The following PEPD variants were observed in gnomAD, a reference collection of about 807,000 sequenced individuals.
PEPD encodes xaa-Pro dipeptidase.
PEPD carries 53 observed loss-of-function variants against 60.7 expected under a neutral mutation model. That is an observed-to-expected ratio of 0.87 (90% CI 0.70 to 1.10). The LOEUF is 1.10. PEPD is among the 50% of genes least tolerant of loss of function. The pLI is 0.00. For missense variants in PEPD, 711 were observed against 711.9 expected (o/e 1.00, Z 0.01); for synonymous variants, 267 against 284.1 (o/e 0.94, Z 0.60).
chr19:33,485,008 T>C (rs947699919), intron 6 of PEPD, among the ~76,000 whole-genome samples: 1 of 152,170 alleles, frequency 6.6e-6, no homozygotes, highest in African/African-American at 2.4e-5. Flanking sequence ...TGTAATTTCC[T>C]GATGAGCTCT....
At chr19:33,490,466 A>G (rs1970477606) in intron 5 of PEPD, among the ~76,000 whole-genome samples, 1 of 152,162 alleles carries the variant, frequency 6.6e-6, no homozygotes, top group African/African-American at 2.4e-5. Context: ...ATAACATCCG[A>G]AAGAGTCCTG....
At chr19:33,408,614 C>A (rs1382791219) in intron 11 of PEPD, among the ~76,000 whole-genome samples, 2 of 152,216 alleles carry the variant, frequency 1.3e-5, no homozygotes, top group Non-Finnish European at 2.9e-5. Flanking sequence ...TGATTCCCCA[C>A]AAAATCCCAT....
At chr19:33,497,136 T>C (rs900932047) in intron 4 of PEPD, among the ~76,000 whole-genome samples, 1 of 152,274 alleles carries the variant, frequency 6.6e-6, no homozygotes, top group African/African-American at 2.4e-5. Flanking sequence ...ACAGTCTGGA[T>C]GTGTGGCTAC....
chr19:33,468,199 C>A (rs1239907045), intron 7 of PEPD, among the ~76,000 whole-genome samples: 1 of 152,166 alleles, frequency 6.6e-6, no homozygotes, highest in African/African-American at 2.4e-5. Context: ...TCCCGGTGCA[C>A]CCCCTGGCCA....
At chr19:33,456,750 A>G (rs972680415) in intron 9 of PEPD, among the ~76,000 whole-genome samples, 2 of 152,144 alleles carry the variant, frequency 1.3e-5, no homozygotes, top group Non-Finnish European at 2.9e-5. Flanking sequence ...GCCTGGACCC[A>G]GACTTGTTCC....
intron 6 of PEPD, among the ~76,000 whole-genome samples, chr19:33,485,693 GA>G (rs1970384580): frequency 6.6e-6 from 1 of 151,976 alleles, no homozygotes; most frequent in Non-Finnish European, 1.5e-5. Context: ...CCCAAATTCA[GA>G]ATTTCATCTT....
intron 9 of PEPD, among the ~76,000 whole-genome samples, chr19:33,458,829 G>A (rs112509551): frequency 1.4e-3 from 162 of 116,566 alleles, no homozygotes; most frequent in African/African-American, 5.1e-3. Context: ...TGTGGAGTGC[G>A]CAGGATGTGT....
rs1600125790 is a variant in PEPD at position 33,450,605 on chromosome 19, A to G, written c.671+12390T>C. 2.0e-5 allele frequency among the ~76,000 whole-genome samples: 3 copies of G among 152,362 alleles called. No homozygotes were observed. In the East Asian group the frequency reaches 5.8e-4, roughly 29 times the overall value. On this transcript the variant is annotated intron_variant, in intron 9 of 14. Coordinates refer to ENST00000244137, the MANE Select transcript of PEPD (RefSeq NM_000285.4). ...TTAAAGCACTCACACGAGCAAAGGG[A>G]AAACATGGTACAAAATTGAGGTCCA...
At chr19:33,453,184 C>T (rs1316444415) in intron 9 of PEPD, among the ~76,000 whole-genome samples, 3 of 152,086 alleles carry the variant, frequency 2.0e-5, no homozygotes, top group African/African-American at 7.2e-5. Flanking sequence ...CATGGTGGCA[C>T]GTGCTTCTAG....
intron 13 of PEPD, among the ~76,000 whole-genome samples, chr19:33,390,136 G>A (rs1165860377): frequency 3.3e-5 from 5 of 152,252 alleles, no homozygotes; most frequent in Non-Finnish European, 7.3e-5. Context: ...TATAGGAAAA[G>A]CCATATTTTT....
At chr19:33,492,347 G>C (rs938129432) in intron 5 of PEPD, among the ~76,000 whole-genome samples, 2 of 152,120 alleles carry the variant, frequency 1.3e-5, no homozygotes, top group Non-Finnish European at 2.9e-5. Flanking sequence ...CCTTTAACAG[G>C]GGAGACAGAG....
At chr19:33,517,378 G>A (rs1971041626) in intron 1 of PEPD, among the ~76,000 whole-genome samples, 2 of 151,346 alleles carry the variant, frequency 1.3e-5, no homozygotes, top group African/African-American at 4.9e-5. Context: ...GGCCAACATG[G>A]TGAGCCCCTG....
chr19:33,468,963 C>G (rs1294614151), intron 7 of PEPD, among the ~76,000 whole-genome samples: 1 of 152,188 alleles, frequency 6.6e-6, no homozygotes, highest in Non-Finnish European at 1.5e-5. Flanking sequence ...GCCAGCAGCT[C>G]AGGCTCCCGA....
chr19:33,466,944 T>C (rs934732571), intron 7 of PEPD, among the ~76,000 whole-genome samples: 16 of 151,726 alleles, frequency 1.1e-4, no homozygotes, highest in African/African-American at 3.6e-4. Flanking sequence ...GATCACGAGG[T>C]CAGGAGATCA....
chr19:33,402,784 G>C (rs547287662), intron 11 of PEPD, among the ~76,000 whole-genome samples: 1 of 152,202 alleles, frequency 6.6e-6, no homozygotes, highest in Non-Finnish European at 1.5e-5. Flanking sequence ...CAGGACGGGA[G>C]GGGCCTGGGG....
chr19:33,461,790 C>T (rs937943406), intron 9 of PEPD, among the ~76,000 whole-genome samples: 2 of 152,200 alleles, frequency 1.3e-5, no homozygotes, highest in South Asian at 2.1e-4. Flanking sequence ...AAGGAGACCA[C>T]GCAGACGCAA....
chr19:33,447,909 G>A (rs1209108584), intron 9 of PEPD, among the ~76,000 whole-genome samples: 1 of 152,212 alleles, frequency 6.6e-6, no homozygotes, highest in Non-Finnish European at 1.5e-5. Context: ...GGTTCCTGAG[G>A]ACGCAAACTC....
intron 9 of PEPD, among the ~76,000 whole-genome samples, chr19:33,419,218 G>T (rs1434110475): frequency 1.3e-5 from 2 of 152,114 alleles, no homozygotes; most frequent in Admixed American, 1.3e-4. Flanking sequence ...AGCAGATGAA[G>T]TCACACTCCT....
intron 9 of PEPD, among the ~76,000 whole-genome samples, chr19:33,459,381 G>A (rs1378383080): frequency 1.3e-5 from 2 of 152,286 alleles, no homozygotes; most frequent in East Asian, 3.9e-4. Flanking sequence ...CGCTTACACA[G>A]CCAATGGAGC....
Sources: allele counts gnomAD v4.1 joint callset (sites outside exome capture counted in the v4.1 genomes callset), GRCh38; gene constraint gnomAD v4.1.1; transcripts MANE v1.5; gene names NCBI Gene and HGNC (gene_info 2026-07-23, HGNC 2026-07-21).